TENM3: variants seen among roughly 807,000 people sequenced by gnomAD.
TENM3 encodes teneurin-3.
In TENM3, 63 loss-of-function variants were observed where a neutral mutation model predicts 255.1. That is an observed-to-expected ratio of 0.25 (90% CI 0.20 to 0.30). The LOEUF (loss-of-function observed/expected upper bound fraction) is 0.30. Among genes scored for constraint, TENM3 ranks in the 10% least tolerant of loss-of-function variants. TENM3 has a pLI of 1.00. For missense variants in TENM3, 2,929 were observed against 3,461.1 expected (o/e 0.85, Z 3.86); for synonymous variants, 1,306 against 1,322.3 (o/e 0.99, Z 0.27).
At chr4:181,499,317 T>C in the TENM3 span, among the ~76,000 whole-genome samples, 1 of 152,186 alleles carries the variant, frequency 6.6e-6, no homozygotes, top group Non-Finnish European at 1.5e-5. Flanking sequence ...AGAACTATAA[T>C]ATAATAATTT....
intron 2 of TENM3, among the ~76,000 whole-genome samples, chr4:182,326,448 G>A (rs2726805): frequency 0.37 from 56,932 of 151,996 alleles, 10,918 homozygotes; most frequent in Non-Finnish European, 0.4. Flanking sequence ...TCTAATCTCT[G>A]TGCAGTTGCC....
At chr4:182,446,852 T>C (rs1411884066) in intron 3 of TENM3, among the ~76,000 whole-genome samples, 9 of 152,188 alleles carry the variant, frequency 5.9e-5, no homozygotes, top group Admixed American at 5.9e-4. Flanking sequence ...GCCCTAGTTA[T>C]ATGGTGTTTA....
At chr4:182,048,397 A>C in the TENM3 span, among the ~76,000 whole-genome samples, 2 of 152,120 alleles carry the variant, frequency 1.3e-5, no homozygotes, top group Non-Finnish European at 2.9e-5. Context: ...TAGTTCACCG[A>C]TTTTATGTTT....
At chr4:182,635,315 A>G (rs1393820576) in intron 5 of TENM3, among the ~76,000 whole-genome samples, 3 of 152,204 alleles carry the variant, frequency 2.0e-5, no homozygotes, top group Admixed American at 6.5e-5. Context: ...CCATTTAAAT[A>G]TACGGTCCAA....
intron 5 of TENM3, among the ~76,000 whole-genome samples, chr4:182,648,636 C>A: frequency 6.6e-6 from 1 of 152,074 alleles, no homozygotes; most frequent in Non-Finnish European, 1.5e-5. Flanking sequence ...ATATGGATCG[C>A]AATAAGTGAA....
At chr4:182,697,296 G>A (rs973127036) in intron 12 of TENM3, among the ~76,000 whole-genome samples, 6 of 152,164 alleles carry the variant, frequency 3.9e-5, no homozygotes, top group African/African-American at 1.4e-4. Context: ...CCTGGCACAT[G>A]AATAGTCTGG....
the TENM3 span, among the ~76,000 whole-genome samples, chr4:181,995,214 C>CG: frequency 6.6e-6 from 1 of 151,608 alleles, no homozygotes; most frequent in Non-Finnish European, 1.5e-5. Flanking sequence ...GGCTTGAACC[C>CG]GGGGGGCGGA....
rs1581223523 is a variant in TENM3, at chr4:182,654,022, T to C, written c.1111+129T>C. 16 of 825,034 alleles carry C rather than the reference T, an allele frequency of 1.9e-5. No homozygotes were observed. The South Asian group carries it at 6.1e-4, about 32-fold the overall frequency. The allele number at this position is 825,034 out of a possible 1,614,324, so 51.1% of individuals were successfully genotyped here. On this transcript the variant is annotated intron_variant, in intron 6 of 27. Transcript: ENST00000511685. ...GTGTTCGAAATTACAGATATCATCTTTTTATAAGTTTTTTTCAATTAATTT... is the reference window on the plus strand; with the variant it reads ...GTGTTCGAAATTACAGATATCATCTCTTTATAAGTTTTTTTCAATTAATTT...
the TENM3 span, among the ~76,000 whole-genome samples, chr4:181,592,256 A>ACACACACACACACACACACACAC: frequency 6.7e-6 from 1 of 148,320 alleles, no homozygotes; most frequent in Non-Finnish European, 1.5e-5. Context: ...TTTAAACACA[A>ACACACACACACACACACACACAC]ACACACACAC....
At chr4:182,490,153 GTAT>G (rs1345718448) in intron 3 of TENM3, among the ~76,000 whole-genome samples, 1 of 152,176 alleles carries the variant, frequency 6.6e-6, no homozygotes, top group African/African-American at 2.4e-5. Context: ...GGACAATGTA[GTAT>G]TATAAATTGT....
At chr4:182,720,766 C>CTTTTTTTTTTTTT (rs11369655) in intron 13 of TENM3, among the ~76,000 whole-genome samples, 5 of 129,814 alleles carry the variant, frequency 3.9e-5, no homozygotes, top group East Asian at 2.2e-4. Context: ...AGTCTCCCCT[C>CTTTTTTTTTTTTT]TTTTTTTTTT....
chr4:181,518,920 T>C, the TENM3 span, among the ~76,000 whole-genome samples: 1 of 152,210 alleles, frequency 6.6e-6, no homozygotes, highest in East Asian at 1.9e-4. Context: ...TTGCCCGTAG[T>C]ACAATATGGA....
chr4:182,197,963 G>T (rs938456862), intron 1 of TENM3, among the ~76,000 whole-genome samples: 2 of 152,140 alleles, frequency 1.3e-5, no homozygotes, highest in African/African-American at 4.8e-5. Flanking sequence ...AACTTAGCTG[G>T]ATGTGGTGGC....
chr4:181,462,128 A>G, the TENM3 span, among the ~76,000 whole-genome samples: 2 of 152,198 alleles, frequency 1.3e-5, no homozygotes, highest in African/African-American at 4.8e-5. Flanking sequence ...TTAAAGTGAT[A>G]TCCCATTTGA....
the TENM3 span, among the ~76,000 whole-genome samples, chr4:181,591,760 A>T: frequency 6.6e-6 from 1 of 152,182 alleles, no homozygotes; most frequent in East Asian, 1.9e-4. Flanking sequence ...CTAAGGCCTG[A>T]TGAAACCACC....
chr4:181,698,227 A>AG, the TENM3 span, among the ~76,000 whole-genome samples: 1 of 151,922 alleles, frequency 6.6e-6, no homozygotes, highest in Non-Finnish European at 1.5e-5. Flanking sequence ...AAAAAAAAAA[A>AG]AAAGATAAAA....
intron 3 of TENM3, among the ~76,000 whole-genome samples, chr4:182,485,412 A>G (rs934724658): frequency 5.9e-5 from 9 of 152,192 alleles, no homozygotes; most frequent in Non-Finnish European, 4.4e-5. Context: ...ATATCAATTT[A>G]TCATCCTCAT....
intron 3 of TENM3, among the ~76,000 whole-genome samples, chr4:182,529,966 T>C (rs1739608680): frequency 6.6e-6 from 1 of 152,200 alleles, no homozygotes; most frequent in Non-Finnish European, 1.5e-5. Context: ...ATGTGGTAGC[T>C]GGTTTGAGTA....
the TENM3 span, among the ~76,000 whole-genome samples, chr4:181,456,878 T>G: frequency 1.7e-4 from 7 of 40,164 alleles, no homozygotes; most frequent in Non-Finnish European, 3.5e-4. Flanking sequence ...CAAAATTTAA[T>G]TAAGAACTAT....
Sources: allele counts gnomAD v4.1 joint callset (sites outside exome capture counted in the v4.1 genomes callset), GRCh38; gene constraint gnomAD v4.1.1; transcripts MANE v1.5; gene names NCBI Gene and HGNC (gene_info 2026-07-23, HGNC 2026-07-21).